FBRSL1: variants seen among roughly 807,000 people sequenced by gnomAD.
FBRSL1 encodes fibrosin like 1.
FBRSL1 carries 51 observed loss-of-function variants against 89.6 expected under a neutral mutation model. The observed-to-expected ratio is 0.57, with a 90% CI of 0.45 to 0.72. The LOEUF is 0.72. FBRSL1 is among the 30% of genes least tolerant of loss of function. The pLI is 0.00. For missense variants in FBRSL1, 1,618 were observed against 1,451.8 expected, an observed-to-expected ratio of 1.11 and a Z score of -1.86; for synonymous variants, 779 against 681.1, an observed-to-expected ratio of 1.14 and a Z score of -2.24.
intron 1 of FBRSL1, among the ~76,000 whole-genome samples, chr12:132,502,117 C>T (rs923863464): frequency 1.3e-5 from 2 of 152,230 alleles, no homozygotes; most frequent in African/African-American, 2.4e-5. Flanking sequence ...TGTTGACCAC[C>T]ATCCTGATGC....
At chr12:132,517,300 G>A (rs2034930509) in intron 2 of FBRSL1, among the ~76,000 whole-genome samples, 2 of 152,252 alleles carry the variant, frequency 1.3e-5, no homozygotes, top group Non-Finnish European at 1.5e-5. Context: ...GGTGCTGTTA[G>A]GTGGGAGTGG....
At chr12:132,508,769 GC>G (rs2033991362) in intron 2 of FBRSL1, among the ~76,000 whole-genome samples, 1 of 152,258 alleles carries the variant, frequency 6.6e-6, no homozygotes, top group Non-Finnish European at 1.5e-5. Flanking sequence ...GCTCACGTGT[GC>G]GGCGTGGGGA....
chr12:132,535,746 T>C (rs1012593353), intron 4 of FBRSL1, among the ~76,000 whole-genome samples: 1 of 152,266 alleles, frequency 6.6e-6, no homozygotes, highest in Non-Finnish European at 1.5e-5. Context: ...GAGTCCTGCA[T>C]GTGTGCACGT....
chr12:132,578,351 A>G (rs1018228262), intron 15 of FBRSL1, among the ~76,000 whole-genome samples: 3 of 151,730 alleles, frequency 2.0e-5, no homozygotes, highest in African/African-American at 7.3e-5. Flanking sequence ...TCTCACACAC[A>G]CACACACACA....
chr12:132,499,696 G>A lies in FBRSL1; in HGVS notation c.292-8457G>A, dbSNP rs935911355. On this transcript the variant is annotated intron_variant, in intron 1 of 18. Coordinates refer to ENST00000680143, the MANE Select transcript of FBRSL1 (RefSeq NM_001367871.1). This position sits in a 1 kb window ranked among gnomAD's most constrained non-coding sequence, Gnocchi z 4.3. ...GGCAGGCAGGCTGGAGACAGCTGGG[G>A]GCTGTGGCTGGGGGGCTGCAGGGCT... 3.9e-5 allele frequency among the ~76,000 whole-genome samples: 6 copies of A among 152,078 alleles called. No individual in the cohort carries two copies. Among genetic ancestry groups the A allele is most frequent in the African/African-American group, 1.4e-4 (6 of 41,474 alleles).
chr12:132,521,639 A>G (rs936602362), intron 2 of FBRSL1, among the ~76,000 whole-genome samples: 4 of 152,152 alleles, frequency 2.6e-5, no homozygotes, highest in African/African-American at 4.8e-5. Context: ...ATGTGATGCC[A>G]TGGGATGGGG....
chr12:132,568,978 T>A (rs4883550), intron 6 of FBRSL1, among the ~76,000 whole-genome samples: 1 of 151,708 alleles, frequency 6.6e-6, no homozygotes, highest in Non-Finnish European at 1.5e-5. Context: ...GGGCCATGGC[T>A]CACTGTCCCA....
intron 1 of FBRSL1, among the ~76,000 whole-genome samples, chr12:132,500,816 C>T (rs2032842489): frequency 6.6e-6 from 1 of 152,220 alleles, no homozygotes; most frequent in Non-Finnish European, 1.5e-5. Context: ...GGAGCTCAGG[C>T]CCTGCCACAG....
chr12:132,570,423 GC>G lies in FBRSL1; in HGVS notation c.1097del (p.Ala366GlyfsTer61). The G allele has an allele frequency of 6.5e-7, 1 of 1,534,844 alleles. No individual in the cohort carries two copies. The highest frequency in any genetic ancestry group is 8.7e-7 in the Non-Finnish European group (1 of 1,145,750). On this transcript the variant is annotated frameshift_variant, in exon 8 of 19. Coordinates refer to ENST00000680143, the MANE Select transcript of FBRSL1 (RefSeq NM_001367871.1). LOFTEE classifies it high-confidence loss of function. ...PGPHLSTSHL[A>X]LRSQAQHQLH... The stretch of plus-strand genomic sequence containing the variant: ...CCCCCACCTGTCTACCTCACACCTG[GC>G]GCTCCGGTCCCAGGCGCAGCACCAG...
chr12:132,503,913 C>T (rs1158426599), intron 1 of FBRSL1, among the ~76,000 whole-genome samples: 2 of 152,196 alleles, frequency 1.3e-5, no homozygotes, highest in Non-Finnish European at 2.9e-5. Flanking sequence ...CTCCTGCCCC[C>T]ACTGGAGAGC....
At position 132,546,601 on chromosome 12, in the gene FBRSL1, G is replaced by T; in HGVS notation, c.616-1402G>T. Reference sequence around the variant, plus strand: ...TTGGCCACGGCTGAAAGGCCAGACCGGGGGGGACCCTAGGAGAGGGCTTGG... The same window carrying T: ...TTGGCCACGGCTGAAAGGCCAGACCTGGGGGGACCCTAGGAGAGGGCTTGG... On this transcript the variant is annotated intron_variant, in intron 4 of 18. Coordinates refer to ENST00000680143, the MANE Select transcript of FBRSL1 (RefSeq NM_001367871.1). This position sits in a 1 kb window ranked among gnomAD's most constrained non-coding sequence, Gnocchi z 4.0. Among the ~76,000 whole-genome samples, 1 of 145,382 alleles carries T rather than the reference G, an allele frequency of 6.9e-6. No individual in the cohort carries two copies. The highest frequency in any genetic ancestry group is 2.2e-4 in the South Asian group (1 of 4,564).
At chr12:132,528,082 C>A in intron 4 of FBRSL1, 94 bp downstream of exon 4, 1 of 1,143,912 alleles carries the variant, frequency 8.7e-7, no homozygotes, top group Non-Finnish European at 1.3e-6. Flanking sequence ...CAACTTAGCT[C>A]ACCCCAGTCC....
intron 1 of FBRSL1, among the ~76,000 whole-genome samples, chr12:132,504,888 G>C (rs554627074): frequency 2.0e-5 from 3 of 152,328 alleles, no homozygotes; most frequent in South Asian, 2.1e-4. Flanking sequence ...CCAGCACTCT[G>C]GGGGGCTGAG....
intron 4 of FBRSL1, among the ~76,000 whole-genome samples, chr12:132,544,624 T>C (rs533227909): frequency 6.6e-6 from 1 of 151,862 alleles, no homozygotes; most frequent in African/African-American, 2.4e-5. Flanking sequence ...TAACTGATGG[T>C]AGTGCTGTTG....
intron 4 of FBRSL1, among the ~76,000 whole-genome samples, chr12:132,532,397 C>T (rs575548286): frequency 6.6e-6 from 1 of 152,294 alleles, no homozygotes; most frequent in Admixed American, 6.5e-5. Context: ...CTCCATGCGG[C>T]TGCCCAGCCC....
At chr12:132,525,027 G>C (rs935762068) in intron 2 of FBRSL1, among the ~76,000 whole-genome samples, 1 of 151,952 alleles carries the variant, frequency 6.6e-6, no homozygotes, top group Non-Finnish European at 1.5e-5. Context: ...ACGCATCGGC[G>C]CCCATGTTGG....
intron 2 of FBRSL1, among the ~76,000 whole-genome samples, chr12:132,512,368 A>G (rs1053521601): frequency 2.9e-4 from 44 of 152,250 alleles, no homozygotes; most frequent in African/African-American, 9.9e-4. Flanking sequence ...ACAGCCTGTC[A>G]GGTGCTTGTG....
chr12:132,490,862 G>A lies in FBRSL1; in HGVS notation c.291+1G>A. 2 of 1,270,376 alleles carry A rather than the reference G, an allele frequency of 1.6e-6. No homozygotes were observed. Among genetic ancestry groups the A allele is most frequent in the Non-Finnish European group, 1.0e-6 (1 of 958,738 alleles). 78.7% of individuals were successfully genotyped at this position (1,270,376 alleles called of 1,614,324 possible). A position where few individuals can be genotyped will look rare whatever the true frequency, so the allele number is the denominator to read the frequency against. On this transcript the variant is annotated splice_donor_variant, in intron 1 of 18. Transcript: ENST00000680143. LOFTEE classifies it high-confidence loss of function. ...CTTCAGCACCCTGGAGGCCCTGGAG[G>A]TAGGTGGACGGGTGCGGCTTCGCAG... is the stretch of plus-strand genomic sequence containing the variant.
At chr12:132,548,750 C>T (rs1030991590) in intron 5 of FBRSL1, among the ~76,000 whole-genome samples, 3 of 152,210 alleles carry the variant, frequency 2.0e-5, no homozygotes, top group African/African-American at 7.2e-5. Context: ...TCACTGTCTC[C>T]CTGTGACTGC....
Sources: allele counts gnomAD v4.1 joint callset (sites outside exome capture counted in the v4.1 genomes callset), GRCh38; gene constraint gnomAD v4.1.1; non-coding constraint Gnocchi (gnomAD v3.1); transcripts MANE v1.5; gene names NCBI Gene and HGNC (gene_info 2026-07-23, HGNC 2026-07-21).